Variants in C1orf198 observed in about 807,000 individuals in gnomAD.
The protein encoded by C1orf198 is chromosome 1 open reading frame 198.
Under a neutral mutation model 31.4 loss-of-function variants are expected in C1orf198, and 17 were observed. The ratio of observed to expected loss-of-function variants is 0.54; its 90% CI spans 0.37 to 0.81. The LOEUF is 0.81. Among genes scored for constraint, C1orf198 ranks in the 40% least tolerant of loss-of-function variants. The probability of loss-of-function intolerance (pLI) is 0.00; values close to 1 mark genes in which losing one functional copy is unlikely to be tolerated. For missense variants in C1orf198, 401 were observed against 450.3 expected (o/e 0.89, Z 0.99); for synonymous variants, 175 against 193.8 (o/e 0.90, Z 0.81).
rs1267626758 is a variant in C1orf198, at chr1:230,843,458, G to A, written c.823C>T (p.Leu275=). ...PQPVQAFSSA[L]HEAAPSQLEG... is the part of the protein sequence containing the mutation. Reference sequence around the variant, plus strand: ...AGCTGGGAGGGGGCAGCCTCGTGCAGTGCACTGCTGAAGGCCTGGACAGGC... The same window carrying A: ...AGCTGGGAGGGGGCAGCCTCGTGCAATGCACTGCTGAAGGCCTGGACAGGC... The change falls in exon 3 of 4, where the codon CTG becomes TTG. Residue 275 remains leucine, a synonymous_variant. Coordinates refer to ENST00000366663, the MANE Select transcript of C1orf198 (RefSeq NM_032800.3). This position sits in a 1 kb window ranked among gnomAD's most constrained non-coding sequence, Gnocchi z 4.9. 1 of 1,608,308 alleles carries A rather than the reference G, an allele frequency of 6.2e-7. No individual in the cohort carries two copies. The highest frequency in any genetic ancestry group is 1.1e-5 in the South Asian group (1 of 90,110).
At chr1:230,851,299 G>T (rs1200195481) in intron 2 of C1orf198, among the ~76,000 whole-genome samples, 1 of 152,134 alleles carries the variant, frequency 6.6e-6, no homozygotes, top group African/African-American at 2.4e-5. Flanking sequence ...ACAGCTTGGG[G>T]GAGGGGCAAG....
intron 2 of C1orf198, among the ~76,000 whole-genome samples, chr1:230,855,073 C>T (rs946885229): frequency 6.6e-6 from 1 of 152,094 alleles, no homozygotes; most frequent in Non-Finnish European, 1.5e-5. Context: ...AGTCATTTTG[C>T]TTATGAATGT....
rs1328756764 is a variant in C1orf198 at position 230,843,325 on chromosome 1, C to T, written c.927+29G>A. 3.9e-6 allele frequency: 6 copies of T among 1,549,416 alleles called. No homozygotes were observed. The highest frequency in any genetic ancestry group is 5.2e-6 in the Non-Finnish European group (6 of 1,145,910). The stretch of plus-strand genomic sequence containing the variant: ...CCCGTGGAATAAGGCACCATCCCAT[C>T]TGAGGACGCGCTGGTAAAGGCCACT... On this transcript the variant is annotated intron_variant, in intron 3 of 3. Transcript: ENST00000366663. This position sits in a 1 kb window ranked among gnomAD's most constrained non-coding sequence, Gnocchi z 4.9.
intron 1 of C1orf198, among the ~76,000 whole-genome samples, chr1:230,862,323 A>G (rs973826823): frequency 6.6e-6 from 1 of 152,338 alleles, no homozygotes; most frequent in Non-Finnish European, 1.5e-5. Flanking sequence ...TTCTATATTT[A>G]TTCCTCCACA....
intron 2 of C1orf198, among the ~76,000 whole-genome samples, chr1:230,846,560 G>A (rs1276985526): frequency 6.6e-6 from 1 of 152,246 alleles, no homozygotes; most frequent in Admixed American, 6.5e-5. Flanking sequence ...TCCAGCTTCC[G>A]ACGGCTAGAT....
rs928962643 is a variant in C1orf198, at chr1:230,837,298, C to T, written c.*2554G>A. On this transcript the variant is annotated 3_prime_UTR_variant, in exon 4 of 4. Coordinates refer to ENST00000366663, the MANE Select transcript of C1orf198 (RefSeq NM_032800.3). ...GCGGCTCAGACGGGTGACAGACCCC[C>T]GCTGTTCCCAGTAGGGCAGCACCCC... 6.6e-6 allele frequency: 1 copy of T among 152,612 alleles called. No individual in the cohort carries two copies. Among genetic ancestry groups the T allele is most frequent in the Non-Finnish European group, 1.5e-5 (1 of 68,042 alleles). The allele number at this position is 152,612 out of a possible 1,614,324, so 9.5% of individuals were successfully genotyped here. A position where few individuals can be genotyped will look rare whatever the true frequency, so the allele number is the denominator to read the frequency against.
At chr1:230,844,841 C>T (rs569895530) in intron 2 of C1orf198, among the ~76,000 whole-genome samples, 1 of 152,350 alleles carries the variant, frequency 6.6e-6, no homozygotes, top group East Asian at 1.9e-4. Context: ...AAATGCTTTC[C>T]TTGATCTGGA....
chr1:230,856,972 G>A (rs1329794430), intron 1 of C1orf198, among the ~76,000 whole-genome samples: 1 of 152,052 alleles, frequency 6.6e-6, no homozygotes, highest in South Asian at 2.1e-4. Context: ...CAGAGCCTCC[G>A]CCACCCTAGC....
At position 230,843,457 on chromosome 1, in the gene C1orf198, A is replaced by T. The variant is rs758311920; in HGVS notation, c.824T>A (p.Leu275Gln). The T allele has an allele frequency of 1.9e-6, 3 of 1,607,842 alleles. No individual in the cohort carries two copies. In the Admixed American group the frequency reaches 5.1e-5, roughly 27 times the overall value. ...GAGCTGGGAGGGGGCAGCCTCGTGC[A>T]GTGCACTGCTGAAGGCCTGGACAGG... is the stretch of plus-strand genomic sequence containing the variant. ...PQPVQAFSSA[L>Q]HEAAPSQLEG... is the part of the protein sequence containing the mutation. The change falls in exon 3 of 4, where the codon CTG becomes CAG. Residue 275 changes from leucine to glutamine, a missense_variant. Leu to Gln is a moderately radical substitution (Grantham distance 113). Transcript: ENST00000366663. The surrounding 1 kb of genome is among the most constrained non-coding windows in gnomAD (Gnocchi z 4.9).
At chr1:230,864,490 G>A (rs971670666) in intron 1 of C1orf198, among the ~76,000 whole-genome samples, 1 of 152,226 alleles carries the variant, frequency 6.6e-6, no homozygotes, top group African/African-American at 2.4e-5. Flanking sequence ...TCCTGTAGGA[G>A]GAGCAGAGAT....
chr1:230,843,497 G>T lies in C1orf198; in HGVS notation c.784C>A (p.Arg262Ser), dbSNP rs372398212. 6.2e-7 allele frequency: 1 copy of T among 1,612,470 alleles called. No individual in the cohort carries two copies. Among genetic ancestry groups the T allele is most frequent in the Admixed American group, 1.7e-5 (1 of 59,880 alleles). The part of the protein sequence containing the change: ...QRPLPNVSTE[R>S]ERPQPVQAFS... ...GCCTGGACAGGCTGGGGTCTCTCAC[G>T]TTCGGTGCTCACGTTGGGAAGAGGA... The change falls in exon 3 of 4, where the codon CGT (arginine) becomes AGT (serine). Residue 262 changes from arginine (R) to serine (S), a missense_variant. Physicochemically the swap from Arg to Ser is moderately radical, Grantham distance 110 (BLOSUM62 -1). Transcript: ENST00000366663. The surrounding 1 kb of genome is among the most constrained non-coding windows in gnomAD (Gnocchi z 4.9).
chr1:230,858,202 C>G (rs548564824), intron 1 of C1orf198, among the ~76,000 whole-genome samples: 4 of 152,290 alleles, frequency 2.6e-5, no homozygotes, highest in Non-Finnish European at 5.9e-5. Flanking sequence ...GTCCACGTCT[C>G]TGTGTGCATG....
chr1:230,868,712 C>G, upstream of C1orf198: 1 of 216,636 alleles, frequency 4.6e-6, no homozygotes, highest in Non-Finnish European at 8.4e-6. Flanking sequence ...GCTCCTCCCT[C>G]CGGGCCCCCC....
rs922152010 is a variant in C1orf198 at position 230,843,742 on chromosome 1, C to T, written c.539G>A (p.Gly180Asp). The T allele has an allele frequency of 1.2e-6, 2 of 1,614,062 alleles. No individual in the cohort carries two copies. The highest frequency in any genetic ancestry group is 1.1e-5 in the South Asian group (1 of 91,080). Residue 180 changes from glycine to aspartate, a missense_variant, in exon 3 of 4, where the codon GGC becomes GAC. Physicochemically the swap from Gly to Asp is moderately conservative, Grantham distance 94 (BLOSUM62 -1). Transcript: ENST00000366663. This position sits in a 1 kb window ranked among gnomAD's most constrained non-coding sequence, Gnocchi z 4.9. ...CGCTTCCTCCTCCTTCCTGGTGGGG[C>T]CCAGGGCGTCCAGGCTGGAGGACCT... ...GSRSSSLDAL[G>D]PTRKEEEASF...
At chr1:230,862,473 T>G (rs1467298550) in intron 1 of C1orf198, among the ~76,000 whole-genome samples, 2 of 152,222 alleles carry the variant, frequency 1.3e-5, no homozygotes, top group Non-Finnish European at 2.9e-5. Flanking sequence ...CAAGATGTGT[T>G]TCAGTTATTG....
chr1:230,855,679 A>T lies in C1orf198; in HGVS notation c.373T>A (p.Trp125Arg). The T allele has an allele frequency of 6.2e-7, 1 of 1,612,804 alleles. No homozygotes were observed. Among genetic ancestry groups the T allele is most frequent in the African/African-American group, 1.3e-5 (1 of 74,994 alleles). ...TTAATCCAACTTACCTTTGTTTCCC[A>T]GGAGAAAGGGGCAGAGTGCTCATCT... ...WQDEHSAPFS[W>R]ETKSQMEFSI... Residue 125 changes from tryptophan to arginine, a missense_variant, in exon 2 of 4, where the codon TGG becomes AGG. Trp to Arg is a moderately radical substitution (Grantham distance 101). Coordinates refer to ENST00000366663, the MANE Select transcript of C1orf198 (RefSeq NM_032800.3).
At chr1:230,841,903 G>A (rs1284715571) in intron 3 of C1orf198, among the ~76,000 whole-genome samples, 1 of 152,154 alleles carries the variant, frequency 6.6e-6, no homozygotes, top group Admixed American at 6.5e-5. Flanking sequence ...GTCTGTCGAT[G>A]GATGAGTGGA....
upstream of C1orf198, chr1:230,868,716 G>C (rs1558144811): frequency 2.5e-5 from 5 of 197,162 alleles, no homozygotes; most frequent in Admixed American, 1.2e-4. Flanking sequence ...CTCCCTCCGG[G>C]CCCCCCCCCG....
intron 2 of C1orf198, among the ~76,000 whole-genome samples, chr1:230,850,626 G>A (rs1261322710): frequency 1.3e-5 from 2 of 152,174 alleles, no homozygotes; most frequent in Non-Finnish European, 2.9e-5. Context: ...CCAAGAGCAG[G>A]GGCACACAGG....
Sources: gnomAD v4.1 joint callset for allele counts (sites outside exome capture counted in the v4.1 genomes callset) on GRCh38, gnomAD v4.1.1 for gene constraint, Gnocchi (gnomAD v3.1) non-coding constraint, MANE v1.5 for transcripts, NCBI Gene and HGNC (gene_info 2026-07-23, HGNC 2026-07-21) for gene names.